The following NFIC variants were observed in gnomAD, a reference collection of about 807,000 sequenced individuals.
NFIC encodes nuclear factor I C.
NFIC carries 12 observed loss-of-function variants against 54.4 expected under a neutral mutation model. The observed-to-expected ratio is 0.22, with a 90% CI of 0.14 to 0.36. The LOEUF (loss-of-function observed/expected upper bound fraction) is 0.36. NFIC is among the 10% of genes least tolerant of loss of function. The pLI, the probability that NFIC is intolerant of heterozygous loss-of-function variation, is 1.00. For missense variants in NFIC, 575 were observed against 718.2 expected (o/e 0.80, Z 2.28); for synonymous variants, 322 against 319.2 (o/e 1.01, Z -0.09).
Position 3,468,331 on chromosome 19 carries a change from A to G in NFIC, c.*5562A>G, listed in dbSNP as rs1281257057. The G allele has an allele frequency of 6.6e-6, 1 of 151,864 alleles. No homozygotes were observed. The highest frequency in any genetic ancestry group is 2.4e-5 in the African/African-American group (1 of 41,308). 9.4% of individuals were successfully genotyped at this position (151,864 alleles called of 1,614,324 possible). A position where few individuals can be genotyped will look rare whatever the true frequency, so the allele number is the denominator to read the frequency against. Reference sequence around the variant, plus strand: ...CACCACCCCCCAGCCTTCCACGCACATCTCCTGGCTGGAAGAGAGCCCTCC... The same window carrying G: ...CACCACCCCCCAGCCTTCCACGCACGTCTCCTGGCTGGAAGAGAGCCCTCC... On this transcript the variant is annotated 3_prime_UTR_variant, in exon 11 of 11. Coordinates refer to ENST00000443272, the MANE Select transcript of NFIC (RefSeq NM_001245002.2).
chr19:3,396,566 C>G (rs951807190), intron 2 of NFIC, among the ~76,000 whole-genome samples: 5 of 152,138 alleles, frequency 3.3e-5, no homozygotes, highest in Non-Finnish European at 7.3e-5. Context: ...CTGTCTACCA[C>G]CAGGCGTCCC....
intron 2 of NFIC, among the ~76,000 whole-genome samples, chr19:3,412,170 G>A (rs1054259056): frequency 3.9e-5 from 6 of 152,106 alleles, no homozygotes; most frequent in African/African-American, 1.4e-4. Context: ...GCAGCCTGGA[G>A]CTCCTGGGCT....
chr19:3,360,778 C>A (rs112727910), intron 1 of NFIC, among the ~76,000 whole-genome samples: 61 of 152,324 alleles, frequency 4.0e-4, no homozygotes, highest in African/African-American at 1.4e-3. Flanking sequence ...GGCTGGGCTG[C>A]GTGTCCGCGG....
chr19:3,384,330 G>T (rs575467341), intron 2 of NFIC, among the ~76,000 whole-genome samples: 1 of 151,730 alleles, frequency 6.6e-6, no homozygotes, highest in Admixed American at 6.6e-5. Context: ...GCCTCCCAAA[G>T]TGTTAGAAGT....
intron 2 of NFIC, among the ~76,000 whole-genome samples, chr19:3,387,425 C>G (rs186139482): frequency 6.6e-6 from 1 of 152,162 alleles, no homozygotes; most frequent in African/African-American, 2.4e-5. Context: ...TCGCTGGAAC[C>G]CGGGAGGTTG....
chr19:3,456,866 T>TG lies in NFIC; in HGVS notation c.1509+235dup, dbSNP rs563913922. The stretch of plus-strand genomic sequence containing the variant: ...GGGGTGTGGCCCCAGACTCAGCCTG[T>TG]GGGGTCCCCAGGAGCGTCTCTGGAG... On this transcript the variant is annotated intron_variant, in intron 10 of 10. Transcript: ENST00000443272. The TG allele has an allele frequency of 3.5e-5, 20 of 578,098 alleles. No homozygotes were observed. The East Asian group carries it at 5.9e-4, about 17-fold the overall frequency. 35.8% of individuals were successfully genotyped at this position (578,098 alleles called of 1,614,324 possible). A position where few individuals can be genotyped will look rare whatever the true frequency, so the allele number is the denominator to read the frequency against.
rs2082387922 is a variant in NFIC, at chr19:3,447,306, A to C, written c.959-1708A>C. On this transcript the variant is annotated intron_variant, in intron 6 of 10. Transcript: ENST00000443272. ...AGAGGGAGACTCTATCTCAAAAAAA[A>C]AAAAAAAAAAAAGACACAGCCCCAG... Among the ~76,000 whole-genome samples the C allele has an allele frequency of 2.0e-5, 3 of 151,542 alleles. No individual in the cohort carries two copies. The South Asian group carries it at 6.2e-4, about 32-fold the overall frequency.
At chr19:3,366,436 A>ACAGAGAGCGAGGCGGGCGG (rs1379551796), upstream of NFIC, 1 of 493,542 alleles carries the variant, frequency 2.0e-6, no homozygotes, top group Non-Finnish European at 3.5e-6. Flanking sequence ...GGAGAGAGGG[A>ACAGAGAGCGAGGCGGGCGG]CAGAGAGCGA....
In NFIC at chr19:3,453,990, G is replaced by C. The variant is rs887991983; in HGVS notation, c.1423+74G>C. The C allele has an allele frequency of 7.0e-6, 10 of 1,427,070 alleles. No individual in the cohort carries two copies. In the African/African-American group the frequency reaches 1.2e-4, roughly 17 times the overall value. The allele number at this position is 1,427,070 out of a possible 1,614,324, so 88.4% of individuals were successfully genotyped here. Reference sequence around the variant, plus strand: ...GGCCTGTCCCCTCCCCAGCCCCACTGCCAGGTCAGAGGTCAGGCCCGACCC... The same window carrying C: ...GGCCTGTCCCCTCCCCAGCCCCACTCCCAGGTCAGAGGTCAGGCCCGACCC... On this transcript the variant is annotated intron_variant, in intron 9 of 10. Coordinates refer to ENST00000443272, the MANE Select transcript of NFIC (RefSeq NM_001245002.2). The surrounding 1 kb of genome is among the most constrained non-coding windows in gnomAD (Gnocchi z 6.7).
In NFIC at chr19:3,370,351, C is replaced by G. The variant is rs900027103; in HGVS notation, c.30+3685C>G. 3.3e-5 allele frequency among the ~76,000 whole-genome samples: 5 copies of G among 152,090 alleles called. No individual in the cohort carries two copies. The highest frequency in any genetic ancestry group is 7.4e-5 in the Non-Finnish European group (5 of 67,984). Reference sequence around the variant, plus strand: ...TCCACCACTCTCCCGCTGTATCTCCCTCTGGGTCTCTCTGTGCATCTCTCT... The same window carrying G: ...TCCACCACTCTCCCGCTGTATCTCCGTCTGGGTCTCTCTGTGCATCTCTCT... On this transcript the variant is annotated intron_variant, in intron 1 of 10. Transcript: ENST00000443272. The surrounding 1 kb of genome is among the most constrained non-coding windows in gnomAD (Gnocchi z 5.2).
At chr19:3,395,361 T>G (rs2081445241) in intron 2 of NFIC, among the ~76,000 whole-genome samples, 1 of 151,820 alleles carries the variant, frequency 6.6e-6, no homozygotes, top group Non-Finnish European at 1.5e-5. Context: ...TCTAACTCTT[T>G]TGCCCAGACT....
chr19:3,380,002 G>T lies in NFIC; in HGVS notation c.31-1710G>T, dbSNP rs377302445. ...TGGCCGCCGACCCTAGTTTTTTTTTGTTTTGTTTTGTTTTTTGAGATGGAG... is the reference window on the plus strand; with the variant it reads ...TGGCCGCCGACCCTAGTTTTTTTTTTTTTTGTTTTGTTTTTTGAGATGGAG... On this transcript the variant is annotated intron_variant, in intron 1 of 10. Coordinates refer to ENST00000443272, the MANE Select transcript of NFIC (RefSeq NM_001245002.2). Among the ~76,000 whole-genome samples the T allele has an allele frequency of 1.6e-3, 241 of 146,452 alleles. 1 individual carries two copies. Among genetic ancestry groups the T allele is most frequent in the East Asian group, 0.011 (51 of 4,856 alleles).
At chr19:3,406,166 C>T (rs948364825) in intron 2 of NFIC, among the ~76,000 whole-genome samples, 4 of 152,118 alleles carry the variant, frequency 2.6e-5, no homozygotes, top group Non-Finnish European at 5.9e-5. Flanking sequence ...GATTTTGGCT[C>T]ACTGCAACCT....
At chr19:3,397,488 T>C (rs1162984106) in intron 2 of NFIC, among the ~76,000 whole-genome samples, 1 of 152,166 alleles carries the variant, frequency 6.6e-6, no homozygotes, top group Non-Finnish European at 1.5e-5. Context: ...ACCTGGGGAA[T>C]CAGGGAGGTG....
At chr19:3,407,101 T>C (rs1009303028) in intron 2 of NFIC, among the ~76,000 whole-genome samples, 17 of 151,992 alleles carry the variant, frequency 1.1e-4, no homozygotes, top group African/African-American at 3.9e-4. Flanking sequence ...CTTTTAGATA[T>C]TTGGTTTTCT....
intron 7 of NFIC, among the ~76,000 whole-genome samples, chr19:3,451,739 G>A (rs181079937): frequency 3.3e-5 from 5 of 151,840 alleles, no homozygotes; most frequent in East Asian, 3.9e-4. Flanking sequence ...TCAAATTCCC[G>A]GTCTGCCATC....
At chr19:3,424,174 C>T (rs1043541649) in intron 2 of NFIC, among the ~76,000 whole-genome samples, 6 of 151,820 alleles carry the variant, frequency 4.0e-5, no homozygotes, top group East Asian at 1.9e-4. Flanking sequence ...ATTCCAGGAG[C>T]GTGCCACCAT....
chr19:3,391,047 C>T (rs374233965), intron 2 of NFIC, among the ~76,000 whole-genome samples: 15 of 151,922 alleles, frequency 9.9e-5, no homozygotes, highest in Non-Finnish European at 1.6e-4. Context: ...GCCAGGAGTT[C>T]GAGACCAGCC....
chr19:3,414,975 G>A (rs1305615191), intron 2 of NFIC, among the ~76,000 whole-genome samples: 4 of 152,074 alleles, frequency 2.6e-5, no homozygotes, highest in Non-Finnish European at 5.9e-5. Flanking sequence ...AAGTAGCTGG[G>A]ATTACAGGTG....
Sources: allele counts gnomAD v4.1 joint callset (sites outside exome capture counted in the v4.1 genomes callset), GRCh38; gene constraint gnomAD v4.1.1; non-coding constraint Gnocchi (gnomAD v3.1); transcripts MANE v1.5; gene names NCBI Gene and HGNC (gene_info 2026-07-23, HGNC 2026-07-21).